Variants in HDAC4 observed in about 807,000 individuals in gnomAD.
The protein encoded by HDAC4 is histone deacetylase A.
Under a neutral mutation model 135.1 loss-of-function variants are expected in HDAC4, and 16 were observed. The ratio of observed to expected loss-of-function variants is 0.12; its 90% confidence interval spans 0.08 to 0.18. The LOEUF is 0.18. HDAC4 is among the 10% of genes least tolerant of loss of function. HDAC4 has a pLI of 1.00. For synonymous variants in HDAC4, 685 were observed against 653.4 expected, an observed-to-expected ratio of 1.05 and a Z score of -0.74; for missense variants, 1,143 against 1,511.8, an observed-to-expected ratio of 0.76 and a Z score of 4.05.
intron 2 of HDAC4, among the ~76,000 whole-genome samples, chr2:239,289,742 G>A (rs748691066): frequency 2.0e-5 from 3 of 152,168 alleles, no homozygotes; most frequent in African/African-American, 7.2e-5. Context: ...CAAAGTCCCC[G>A]CCTGATGGGG....
intron 1 of HDAC4, among the ~76,000 whole-genome samples, chr2:239,382,190 C>T (rs143602238): frequency 6.6e-6 from 1 of 152,230 alleles, no homozygotes; most frequent in Non-Finnish European, 1.5e-5. Flanking sequence ...AAATTAGGCA[C>T]GCTAATTGTT....
intron 17 of HDAC4, among the ~76,000 whole-genome samples, chr2:239,093,220 G>A (rs1238365494): frequency 3.3e-5 from 5 of 152,212 alleles, no homozygotes; most frequent in Non-Finnish European, 7.4e-5. Flanking sequence ...TCCCAGCGCC[G>A]AGGAGTGGTG....
At chr2:239,385,028 A>G (rs759369134) in intron 1 of HDAC4, among the ~76,000 whole-genome samples, 41 of 152,164 alleles carry the variant, frequency 2.7e-4, no homozygotes, top group Non-Finnish European at 4.6e-4. Flanking sequence ...GTGCACAGGG[A>G]CAGGGACAAG....
At chr2:239,294,496 C>T (rs1248634167) in intron 2 of HDAC4, among the ~76,000 whole-genome samples, 4 of 152,128 alleles carry the variant, frequency 2.6e-5, no homozygotes, top group African/African-American at 7.2e-5. Flanking sequence ...ACTAAGTCCC[C>T]GTTGAAGGTG....
chr2:239,080,345 T>C (rs1473791112), intron 22 of HDAC4, among the ~76,000 whole-genome samples: 1 of 152,250 alleles, frequency 6.6e-6, no homozygotes, highest in Non-Finnish European at 1.5e-5. Flanking sequence ...AGACACGGCA[T>C]GTCAGGCTCA....
chr2:239,295,342 T>G, intron 2 of HDAC4, among the ~76,000 whole-genome samples: 1 of 139,066 alleles, frequency 7.2e-6, no homozygotes, highest in Non-Finnish European at 1.5e-5. Context: ...AAGATGATTA[T>G]AGTAAACTGG....
intron 2 of HDAC4, among the ~76,000 whole-genome samples, chr2:239,242,936 T>C (rs1575503063): frequency 1.3e-5 from 2 of 152,318 alleles, no homozygotes; most frequent in Admixed American, 6.5e-5. Flanking sequence ...TTTTTTCTCA[T>C]GTCAAACTAA....
chr2:239,178,885 C>T lies in HDAC4; in HGVS notation c.340-2322G>A, dbSNP rs939507337. 2.0e-5 allele frequency among the ~76,000 whole-genome samples: 3 copies of T among 152,194 alleles called. 1 individual carries two copies. The highest frequency in any genetic ancestry group is 7.2e-5 in the African/African-American group (3 of 41,454). ...GTGATTCTTCCTGGAGGATGAGGCT[C>T]AGGCCAGGGAAAGGATGAGCAAAGC... On this transcript the variant is annotated intron_variant, in intron 4 of 26. Coordinates refer to ENST00000543185, the MANE Select transcript of HDAC4 (RefSeq NM_001378414.1).
intron 2 of HDAC4, among the ~76,000 whole-genome samples, chr2:239,279,008 G>C (rs2050554400): frequency 6.6e-6 from 1 of 152,212 alleles, no homozygotes; most frequent in Non-Finnish European, 1.5e-5. Flanking sequence ...CTGCCGGCAG[G>C]ACTGAAAAAC....
At chr2:239,126,151 T>C (rs948964825) in intron 12 of HDAC4, among the ~76,000 whole-genome samples, 3 of 152,182 alleles carry the variant, frequency 2.0e-5, no homozygotes, top group Non-Finnish European at 4.4e-5. Context: ...GGAACTCACA[T>C]GGGCTGGTGG....
At chr2:239,250,423 T>C (rs551234579) in intron 2 of HDAC4, among the ~76,000 whole-genome samples, 2 of 152,196 alleles carry the variant, frequency 1.3e-5, no homozygotes, top group South Asian at 4.2e-4. Context: ...AAATGTGACA[T>C]GAGATTCAGA....
intron 3 of HDAC4, among the ~76,000 whole-genome samples, chr2:239,202,937 C>T (rs28545284): frequency 0.14 from 20,686 of 152,170 alleles, 1,507 homozygotes; most frequent in East Asian, 0.23. Context: ...GGCCTGTCCA[C>T]GCCGCCTGAG....
intron 9 of HDAC4, among the ~76,000 whole-genome samples, chr2:239,138,960 G>A (rs1308541606): frequency 2.0e-5 from 3 of 152,174 alleles, no homozygotes; most frequent in South Asian, 2.1e-4. Context: ...CAGCTCCTGC[G>A]TCTCTGACAT....
At chr2:239,356,524 T>A (rs1312777045) in intron 1 of HDAC4, among the ~76,000 whole-genome samples, 1 of 152,198 alleles carries the variant, frequency 6.6e-6, no homozygotes, top group African/African-American at 2.4e-5. Flanking sequence ...CTACAAGAAA[T>A]CTATCTTGTT....
In HDAC4 at chr2:239,299,868, C is replaced by T. The variant is rs143224248; in HGVS notation, c.22+52810G>A. On this transcript the variant is annotated intron_variant, in intron 2 of 26. Coordinates refer to ENST00000543185, the MANE Select transcript of HDAC4 (RefSeq NM_001378414.1). This position sits in a 1 kb window ranked among gnomAD's most constrained non-coding sequence, Gnocchi z 4.0. ...ACAGAGCGGAGAGCCTGCAGGGACGCAGCTGGGGACTAAGCAGATGGGAGA... is the reference window on the plus strand; with the variant it reads ...ACAGAGCGGAGAGCCTGCAGGGACGTAGCTGGGGACTAAGCAGATGGGAGA... Among the ~76,000 whole-genome samples the T allele has an allele frequency of 2.0e-5, 3 of 152,308 alleles. No individual in the cohort carries two copies. Among genetic ancestry groups the T allele is most frequent in the African/African-American group, 7.2e-5 (3 of 41,572 alleles).
At chr2:239,089,743 T>TTTTG in intron 18 of HDAC4, 1 of 358,516 alleles carries the variant, frequency 2.8e-6, no homozygotes, top group Non-Finnish European at 5.0e-6. Flanking sequence ...TTTTTTTTTT[T>TTTTG]AAGAGTATAA....
chr2:239,266,283 T>C (rs1052965549), intron 2 of HDAC4, among the ~76,000 whole-genome samples: 1 of 152,176 alleles, frequency 6.6e-6, no homozygotes, highest in Admixed American at 6.5e-5. Flanking sequence ...TGATTCTCCA[T>C]AGGCCGGGAC....
rs76486832 is a variant in HDAC4, at chr2:239,090,431, CT to C, written c.2281-316del. ...TAATGATGTCAAGGTGATCTATTTCCTTTTTTTTTTTTTTTTTTTTAACTGG... is the reference window on the plus strand; with the variant it reads ...TAATGATGTCAAGGTGATCTATTTCCTTTTTTTTTTTTTTTTTTTAACTGG... On this transcript the variant is annotated intron_variant, in intron 17 of 26. Coordinates refer to ENST00000543185, the MANE Select transcript of HDAC4 (RefSeq NM_001378414.1). 0.23 allele frequency among the ~76,000 whole-genome samples: 29,965 copies of C among 132,476 alleles called. 3,622 individuals carry two copies. Among genetic ancestry groups the C allele is most frequent in the African/African-American group, 0.33 (11,863 of 35,598 alleles). 86.9% of individuals were successfully genotyped at this position (132,476 alleles called of 152,430 possible). A position where few individuals can be genotyped will look rare whatever the true frequency, so the allele number is the denominator to read the frequency against.
At chr2:239,364,239 G>C (rs889956925) in intron 1 of HDAC4, among the ~76,000 whole-genome samples, 1 of 152,112 alleles carries the variant, frequency 6.6e-6, no homozygotes, top group African/African-American at 2.4e-5. Context: ...ACGAAGACAC[G>C]GCAGCATTAT....
Sources: gnomAD v4.1 joint callset for allele counts (sites outside exome capture counted in the v4.1 genomes callset) on GRCh38, gnomAD v4.1.1 for gene constraint, Gnocchi (gnomAD v3.1) non-coding constraint, MANE v1.5 for transcripts, NCBI Gene and HGNC (gene_info 2026-07-23, HGNC 2026-07-21) for gene names.